The following DMD variants were observed in gnomAD, a reference collection of about 807,000 sequenced individuals.
DMD encodes the protein dystrophin.
A neutral mutation model predicts 330.1 loss-of-function variants in DMD; 63 were observed. The observed-to-expected ratio is 0.19, with a 90% CI of 0.16 to 0.24. DMD has a LOEUF of 0.24. Ranked by LOEUF, DMD falls within the 10% of genes least tolerant of loss-of-function variation. The probability of loss-of-function intolerance (pLI) is 1.00; values close to 1 mark genes in which losing one functional copy is unlikely to be tolerated. For synonymous variants in DMD, 1,223 were observed against 959.8 expected, an observed-to-expected ratio of 1.27 and a Z score of -5.07; for missense variants, 3,344 against 2,684.1, an observed-to-expected ratio of 1.25 and a Z score of -5.43.
intron 2 of DMD, among the ~76,000 whole-genome samples, chrX:32,975,970 T>C (rs149292481): frequency 0.019 from 2,134 of 111,547 alleles, 58 homozygotes; most frequent in African/African-American, 0.066. Flanking sequence ...CTTGTAATCC[T>C]AGCACTTTGG....
At chrX:31,247,633 A>G (rs750983102) in intron 63 of DMD, among the ~76,000 whole-genome samples, 1 of 108,886 alleles carries the variant, frequency 9.2e-6, no homozygotes, top group South Asian at 4.1e-4. Context: ...TCTGGAAGTG[A>G]TTCTTGATGC....
At chrX:32,993,222 C>T (rs2093026440) in intron 2 of DMD, among the ~76,000 whole-genome samples, 1 of 112,036 alleles carries the variant, frequency 8.9e-6, no homozygotes, top group Non-Finnish European at 1.9e-5. Context: ...TTGAGCAAGT[C>T]ATTTAGACAA....
At chrX:32,930,484 T>C (rs1275245568) in intron 2 of DMD, among the ~76,000 whole-genome samples, 1 of 111,115 alleles carries the variant, frequency 9.0e-6, no homozygotes, top group Admixed American at 9.7e-5. Flanking sequence ...TTTATACAAC[T>C]AAAACGTTGT....
chrX:31,281,803 G>A (rs1041825593), intron 62 of DMD, among the ~76,000 whole-genome samples: 1 of 111,763 alleles, frequency 8.9e-6, no homozygotes, highest in African/African-American at 3.3e-5. Context: ...AGATTATCTA[G>A]AAAAGAATCC....
chrX:31,924,893 T>G (rs1428893974), intron 47 of DMD, among the ~76,000 whole-genome samples: 7 of 111,833 alleles, frequency 6.3e-5, no homozygotes. Context: ...GATAGTAAAT[T>G]ACTGTTTACA....
chrX:32,130,522 T>A (rs1268061880), intron 44 of DMD, among the ~76,000 whole-genome samples: 2 of 111,132 alleles, frequency 1.8e-5, no homozygotes, highest in Non-Finnish European at 3.8e-5. Flanking sequence ...GGCTTAACAT[T>A]TAATTTATAA....
At chrX:32,599,997 C>T (rs986830128) in intron 12 of DMD, among the ~76,000 whole-genome samples, 3 of 112,230 alleles carry the variant, frequency 2.7e-5, no homozygotes, top group Non-Finnish European at 1.9e-5. Context: ...TGTTATACCT[C>T]TGTGAATAAT....
At chrX:31,321,139 G>T (rs144058026) in intron 62 of DMD, among the ~76,000 whole-genome samples, 191 of 111,733 alleles carry the variant, frequency 1.7e-3, no homozygotes, top group African/African-American at 5.9e-3. Flanking sequence ...TTAAAATAAT[G>T]AATTTTAAAA....
chrX:32,804,927 A>G (rs2076845175), intron 7 of DMD, among the ~76,000 whole-genome samples: 1 of 112,264 alleles, frequency 8.9e-6, no homozygotes, highest in Admixed American at 9.4e-5. Context: ...GCATCAACAA[A>G]AAGGACATCC....
chrX:31,569,096 G>A (rs1242816763), intron 55 of DMD, among the ~76,000 whole-genome samples: 1 of 110,974 alleles, frequency 9.0e-6, no homozygotes, highest in African/African-American at 3.3e-5. Context: ...ACCACATCAG[G>A]TGGTGTTAAA....
chrX:31,123,321 G>GTATT (rs1555974751), intron 78 of DMD, among the ~76,000 whole-genome samples: 2 of 112,128 alleles, frequency 1.8e-5, no homozygotes, highest in African/African-American at 6.5e-5. Flanking sequence ...ATTTCATGGA[G>GTATT]TATTAATTAT....
At chrX:32,539,307 C>T (rs1331659155) in intron 17 of DMD, among the ~76,000 whole-genome samples, 1 of 109,795 alleles carries the variant, frequency 9.1e-6, no homozygotes, top group African/African-American at 3.3e-5. Context: ...GGAGAGTCAG[C>T]ACCAGTCCTT....
intron 18 of DMD, among the ~76,000 whole-genome samples, chrX:32,513,878 G>A (rs1346163980): frequency 9.0e-6 from 1 of 111,101 alleles, no homozygotes; most frequent in Non-Finnish European, 1.9e-5. Context: ...TGGAACAAAT[G>A]GCCAAGAATG....
At chrX:32,834,577 G>T (rs770865505) in intron 4 of DMD, among the ~76,000 whole-genome samples, 2 of 111,484 alleles carry the variant, frequency 1.8e-5, no homozygotes, top group Non-Finnish European at 1.9e-5. Context: ...GTGAATATTT[G>T]AACATAGCTG....
intron 21 of DMD, among the ~76,000 whole-genome samples, chrX:32,474,987 A>T (rs2041077366): frequency 1.8e-5 from 2 of 111,439 alleles, no homozygotes; most frequent in Non-Finnish European, 3.8e-5. Context: ...TTATAGTTTC[A>T]GGTCTTAGGT....
intron 55 of DMD, among the ~76,000 whole-genome samples, chrX:31,579,696 A>C (rs2076258328): frequency 8.9e-6 from 1 of 112,784 alleles, no homozygotes; most frequent in Admixed American, 9.4e-5. Context: ...ATTTTAAGAA[A>C]AACATTAAGT....
At position 32,844,888 on chromosome X, in the gene DMD, T is replaced by C. The variant is rs758497788; in HGVS notation, c.187-28A>G. 9 of 1,122,940 alleles carry C rather than the reference T, an allele frequency of 8.0e-6. No homozygotes were observed. In the African/African-American group the frequency reaches 1.4e-4, roughly 18 times the overall value. 92.5% of individuals were successfully genotyped at this position (1,122,940 alleles called of 1,213,427 possible). A position where few individuals can be genotyped will look rare whatever the true frequency, so the allele number is the denominator to read the frequency against. ...GAGAACAAAACAAAAGAGTGTTCAC[T>C]GACCAGCAGAGAGACCGACAATCTA... On this transcript the variant is annotated intron_variant, in intron 3 of 78. Transcript: ENST00000357033.
At chrX:32,319,079 G>A (rs2097596977) in intron 41 of DMD, among the ~76,000 whole-genome samples, 1 of 111,673 alleles carries the variant, frequency 9.0e-6, no homozygotes, top group Admixed American at 9.6e-5. Flanking sequence ...GTGGTTTAAA[G>A]TCTTTCGTTT....
At chrX:32,332,705 AAG>A (rs1300163488) in intron 41 of DMD, among the ~76,000 whole-genome samples, 22 of 110,650 alleles carry the variant, frequency 2.0e-4, no homozygotes, top group African/African-American at 6.9e-4. Context: ...GAAATTCATG[AAG>A]AGTTTTGGAT....
Sources: gnomAD v4.1 joint callset for allele counts (sites outside exome capture counted in the v4.1 genomes callset) on GRCh38, gnomAD v4.1.1 for gene constraint, MANE v1.5 for transcripts, NCBI Gene and HGNC (gene_info 2026-07-23, HGNC 2026-07-21) for gene names.